The following CCSER1 variants were observed in gnomAD, a reference collection of about 807,000 sequenced individuals.
CCSER1 encodes coiled-coil serine rich protein 1, also known as serine-rich coiled-coil domain-containing protein 1.
In CCSER1, 41 loss-of-function variants were observed where a neutral mutation model predicts 82.0. That is an observed-to-expected ratio of 0.50 (90% CI 0.39 to 0.65). The LOEUF (loss-of-function observed/expected upper bound fraction) is 0.65, where lower values mean the gene tolerates loss of function less well. Among genes scored for constraint, CCSER1 ranks in the 30% least tolerant of loss-of-function variants. The probability of loss-of-function intolerance (pLI) is 0.00; values close to 1 mark genes in which losing one functional copy is unlikely to be tolerated. For missense variants in CCSER1, 1,119 were observed against 1,064.2 expected, an observed-to-expected ratio of 1.05 and a Z score of -0.72; for synonymous variants, 414 against 383.9, an observed-to-expected ratio of 1.08 and a Z score of -0.92.
chr4:91,280,874 C>T (rs1228988064), intron 10 of CCSER1, among the ~76,000 whole-genome samples: 1 of 152,178 alleles, frequency 6.6e-6, no homozygotes, highest in Admixed American at 6.5e-5. Flanking sequence ...ACTGTTGCTT[C>T]CCAGGGAAGG....
At chr4:91,152,533 T>C (rs912482393) in intron 10 of CCSER1, among the ~76,000 whole-genome samples, 1 of 152,222 alleles carries the variant, frequency 6.6e-6, no homozygotes, top group African/African-American at 2.4e-5. Context: ...AGGTTAATAT[T>C]GTTATGTGTG....
chr4:91,464,893 C>A (rs1174305688), intron 10 of CCSER1, among the ~76,000 whole-genome samples: 1 of 152,174 alleles, frequency 6.6e-6, no homozygotes, highest in East Asian at 1.9e-4. Context: ...TAGACTCCCA[C>A]ACAACAGTAA....
intron 10 of CCSER1, among the ~76,000 whole-genome samples, chr4:91,297,836 G>T (rs1305542795): frequency 1.3e-5 from 2 of 152,004 alleles, no homozygotes; most frequent in African/African-American, 4.8e-5. Flanking sequence ...GGTACTTGAG[G>T]AAAAGTGGTA....
intron 1 of CCSER1, among the ~76,000 whole-genome samples, chr4:90,221,565 C>G (rs1207627007): frequency 1.3e-5 from 2 of 152,208 alleles, no homozygotes; most frequent in East Asian, 3.9e-4. Flanking sequence ...GATATTGATA[C>G]CTGGAATTCT....
At chr4:91,029,270 CG>C (rs1406792068) in intron 9 of CCSER1, among the ~76,000 whole-genome samples, 2 of 145,766 alleles carry the variant, frequency 1.4e-5, no homozygotes, top group Non-Finnish European at 3.0e-5. Flanking sequence ...ACTTATCGTT[CG>C]GTTTTTTTTT....
chr4:91,419,625 C>T (rs1264457331), intron 10 of CCSER1, among the ~76,000 whole-genome samples: 1 of 151,966 alleles, frequency 6.6e-6, no homozygotes, highest in Non-Finnish European at 1.5e-5. Context: ...AATGTCCATA[C>T]TATCCAAAGT....
chr4:91,407,423 G>C (rs1247183016), intron 10 of CCSER1, among the ~76,000 whole-genome samples: 1 of 152,156 alleles, frequency 6.6e-6, no homozygotes, highest in East Asian at 1.9e-4. Flanking sequence ...GTTCCTAAGA[G>C]TTCAAGGACT....
chr4:90,913,049 G>C (rs1053701995), intron 8 of CCSER1, among the ~76,000 whole-genome samples: 1 of 152,198 alleles, frequency 6.6e-6, no homozygotes, highest in African/African-American at 2.4e-5. Context: ...ATGGAACCAA[G>C]TTGGAAAACA....
At chr4:90,359,520 A>G (rs986916846) in intron 3 of CCSER1, among the ~76,000 whole-genome samples, 1 of 151,896 alleles carries the variant, frequency 6.6e-6, no homozygotes, top group African/African-American at 2.4e-5. Flanking sequence ...TGGGTGGATC[A>G]TGAGGTCAGG....
At chr4:90,250,483 A>G (rs903025936) in intron 1 of CCSER1, among the ~76,000 whole-genome samples, 11 of 152,122 alleles carry the variant, frequency 7.2e-5, no homozygotes, top group African/African-American at 2.6e-4. Flanking sequence ...TCTTTCCTCC[A>G]TTGATTTTCC....
chr4:90,904,176 A>G (rs1725093318), intron 8 of CCSER1, among the ~76,000 whole-genome samples: 1 of 152,024 alleles, frequency 6.6e-6, no homozygotes, highest in Admixed American at 6.6e-5. Flanking sequence ...AATTTGATTT[A>G]TCTTAAACTA....
chr4:90,800,107 G>C (rs1439281241), intron 7 of CCSER1, among the ~76,000 whole-genome samples: 1 of 152,128 alleles, frequency 6.6e-6, no homozygotes, highest in Non-Finnish European at 1.5e-5. Flanking sequence ...TCCCTTGGTG[G>C]TGCTGTTTCC....
At chr4:90,237,590 G>A (rs1746033618) in intron 1 of CCSER1, among the ~76,000 whole-genome samples, 1 of 152,056 alleles carries the variant, frequency 6.6e-6, no homozygotes, top group South Asian at 2.1e-4. Context: ...TTAAAACAAG[G>A]CAAAATAACA....
intron 5 of CCSER1, among the ~76,000 whole-genome samples, chr4:90,533,471 G>T (rs776489597): frequency 4.6e-5 from 7 of 152,174 alleles, no homozygotes; most frequent in Non-Finnish European, 8.8e-5. Context: ...GACTCTAAGG[G>T]CCATCAGAAG....
Position 90,961,629 on chromosome 4 carries a change from T to C in CCSER1, c.2172+38182T>C, listed in dbSNP as rs186449352. Among the ~76,000 whole-genome samples the C allele has an allele frequency of 3.9e-5, 6 of 152,216 alleles. No individual in the cohort carries two copies. In the East Asian group the frequency reaches 1.2e-3, roughly 29 times the overall value. ...AGATCAGTGATAGATTTTACAAATT[T>C]GGCTTACAAATATAATGTTTATAAT... On this transcript the variant is annotated intron_variant, in intron 9 of 10. Transcript: ENST00000509176.
chr4:90,461,352 C>A lies in CCSER1; in HGVS notation c.1604-6882C>A, dbSNP rs1034129800. Among the ~76,000 whole-genome samples, 4 of 117,172 alleles carry A rather than the reference C, an allele frequency of 3.4e-5. 1 individual carries two copies. The highest frequency in any genetic ancestry group is 1.9e-4 in the African/African-American group (4 of 21,374). 76.9% of individuals were successfully genotyped at this position (117,172 alleles called of 152,430 possible). On this transcript the variant is annotated intron_variant, in intron 4 of 10. Coordinates refer to ENST00000509176, the MANE Select transcript of CCSER1 (RefSeq NM_001145065.2). ...AAAGTGCTGGGATTACAGGCGTGAG[C>A]CACCGCGCCCGGCCCGGCTATTTTT...
rs77421218 is a variant in CCSER1 at position 91,073,607 on chromosome 4, T to G, written c.2173-12343T>G. 5.9e-5 allele frequency among the ~76,000 whole-genome samples: 9 copies of G among 152,044 alleles called. No homozygotes were observed. The East Asian group carries it at 1.5e-3, about 26-fold the overall frequency. On this transcript the variant is annotated intron_variant, in intron 9 of 10. Coordinates refer to ENST00000509176, the MANE Select transcript of CCSER1 (RefSeq NM_001145065.2). ...TGGAAATTGAAACTGAATCAAAAAT[T>G]TACACAACAAACTGATAGAGTAAAA...
intron 9 of CCSER1, among the ~76,000 whole-genome samples, chr4:90,980,120 G>T (rs1022328517): frequency 1.3e-5 from 2 of 151,872 alleles, no homozygotes; most frequent in East Asian, 3.9e-4. Context: ...TTCTGGAAAG[G>T]TGATACTTCA....
At chr4:90,933,006 AAGAAAG>A (rs1561385530) in intron 9 of CCSER1, among the ~76,000 whole-genome samples, 1 of 80,158 alleles carries the variant, frequency 1.2e-5, no homozygotes, top group Non-Finnish European at 2.2e-5. Flanking sequence ...GAAAGAAAGA[AAGAAAG>A]AAAGAAAGAA....
Sources: gnomAD v4.1 joint callset for allele counts (sites outside exome capture counted in the v4.1 genomes callset) on GRCh38, gnomAD v4.1.1 for gene constraint, MANE v1.5 for transcripts, NCBI Gene and HGNC (gene_info 2026-07-23, HGNC 2026-07-21) for gene names.